Variants in SURF4 observed in about 807,000 individuals in gnomAD.
The protein encoded by SURF4 is surfeit 4.
A neutral mutation model predicts 30.0 loss-of-function variants in SURF4; 3 were observed. The ratio of observed to expected loss-of-function variants is 0.10; its 90% CI spans 0.05 to 0.26. The LOEUF (loss-of-function observed/expected upper bound fraction) is 0.26, where lower values mean the gene tolerates loss of function less well. Among genes scored for constraint, SURF4 ranks in the 10% least tolerant of loss-of-function variants. The pLI is 1.00. For missense variants in SURF4, 217 were observed against 350.8 expected, an observed-to-expected ratio of 0.62 and a Z score of 3.05; for synonymous variants, 143 against 139.9, an observed-to-expected ratio of 1.02 and a Z score of -0.16.
At chr9:133,368,888 C>A (rs953726680) in intron 1 of SURF4, among the ~76,000 whole-genome samples, 6 of 152,230 alleles carry the variant, frequency 3.9e-5, no homozygotes, top group African/African-American at 9.6e-5. Flanking sequence ...GTCTAAAGAG[C>A]ACCCGAGAGG....
chr9:133,377,668 AG>A (rs1458119311), upstream of SURF4, among the ~76,000 whole-genome samples: 5 of 150,794 alleles, frequency 3.3e-5, no homozygotes, highest in Non-Finnish European at 4.4e-5. Flanking sequence ...TGTCTCAGAA[AG>A]AAAAAAAAAA....
rs981161796 is a variant in SURF4, at chr9:133,363,016, A to C, written c.*477T>G. 7.7e-6 allele frequency: 2 copies of C among 261,386 alleles called. No individual in the cohort carries two copies. Among genetic ancestry groups the C allele is most frequent in the Non-Finnish European group, 1.5e-5 (2 of 133,276 alleles). The allele number at this position is 261,386 out of a possible 1,614,324, so 16.2% of individuals were successfully genotyped here. The stretch of plus-strand genomic sequence containing the variant: ...ACATCAAAGCCACTGGTGTGATTTT[A>C]AACCAGGGAGATTAACTGTTTTGAG... On this transcript the variant is annotated 3_prime_UTR_variant, in exon 6 of 6. Coordinates refer to ENST00000371989, the MANE Select transcript of SURF4 (RefSeq NM_033161.4). The surrounding 1 kb of genome is among the most constrained non-coding windows in gnomAD (Gnocchi z 4.3).
chr9:133,372,986 GATC>G (rs1219303042), intron 1 of SURF4, among the ~76,000 whole-genome samples: 1 of 152,210 alleles, frequency 6.6e-6, no homozygotes, highest in African/African-American at 2.4e-5. Flanking sequence ...CTCTTAAGGA[GATC>G]ATCTGACGGC....
chr9:133,376,321 G>A, upstream of SURF4: 4 of 1,362,734 alleles, frequency 2.9e-6, no homozygotes, highest in Non-Finnish European at 3.8e-6. Context: ...CTTTTAAGGG[G>A]GCGGGGACCT....
rs2130084305 is a variant in SURF4 at position 133,363,338 on chromosome 9, G to A, written c.*155C>T. 1.6e-6 allele frequency: 2 copies of A among 1,216,046 alleles called. No individual in the cohort carries two copies. The allele number at this position is 1,216,046 out of a possible 1,614,324, so 75.3% of individuals were successfully genotyped here. ...AGCAGACTGAGCCATCGATTCTCAG[G>A]TGTCTCTGCAAATAAAGTTCTCAAA... On this transcript the variant is annotated 3_prime_UTR_variant, in exon 6 of 6. Coordinates refer to ENST00000371989, the MANE Select transcript of SURF4 (RefSeq NM_033161.4). This position sits in a 1 kb window ranked among gnomAD's most constrained non-coding sequence, Gnocchi z 4.3.
At chr9:133,367,588 G>A in intron 1 of SURF4, 143 bp from the exon 2 acceptor site, 1 of 1,522,536 alleles carries the variant, frequency 6.6e-7, no homozygotes, top group Non-Finnish European at 8.8e-7. Flanking sequence ...CCTTCCCAGG[G>A]CAGACTAGGG....
chr9:133,365,231 TC>T (rs2119126695), intron 4 of SURF4, among the ~76,000 whole-genome samples: 1 of 152,152 alleles, frequency 6.6e-6, no homozygotes, highest in South Asian at 2.1e-4. Context: ...CTTACATAGC[TC>T]AGGAGACAGA....
chr9:133,375,060 G>A (rs1837795972), intron 1 of SURF4, among the ~76,000 whole-genome samples: 1 of 152,202 alleles, frequency 6.6e-6, no homozygotes, highest in Non-Finnish European at 1.5e-5. Context: ...ATAAATCTGC[G>A]TAACCACCAC....
chr9:133,367,136 A>C (rs1837220733), intron 2 of SURF4, 123 bp downstream of exon 2: 5 of 1,275,034 alleles, frequency 3.9e-6, no homozygotes, highest in Middle Eastern at 2.7e-4. Flanking sequence ...TGAGCTGGAG[A>C]AGAGGGGAAT....
chr9:133,367,147 G>T, intron 2 of SURF4, 112 bp downstream of exon 2: 1 of 1,354,728 alleles, frequency 7.4e-7, no homozygotes, highest in Non-Finnish European at 1.0e-6. Context: ...AGAGGGGAAT[G>T]GAGGGGGGAC....
intron 1 of SURF4, chr9:133,375,172 T>A: frequency 1.0e-6 from 1 of 970,190 alleles, no homozygotes; most frequent in Non-Finnish European, 1.2e-6. Flanking sequence ...TCCACCCAGT[T>A]CCCGAATGCT....
At chr9:133,364,290 G>C (rs2130100756) in intron 5 of SURF4, among the ~76,000 whole-genome samples, 8 of 152,212 alleles carry the variant, frequency 5.3e-5, no homozygotes, top group Non-Finnish European at 1.0e-4. Flanking sequence ...GGCCAACCAA[G>C]GGCCAAGCAC....
chr9:133,369,569 G>A (rs1327078886), intron 1 of SURF4, among the ~76,000 whole-genome samples: 1 of 152,166 alleles, frequency 6.6e-6, no homozygotes, highest in African/African-American at 2.4e-5. Context: ...GGCCAATGCA[G>A]AGAACCAGCA....
rs1477598697 is a variant in SURF4, at chr9:133,362,141, A to G, written c.*1352T>C. The G allele has an allele frequency of 6.6e-6, 1 of 152,170 alleles. No individual in the cohort carries two copies. The highest frequency in any genetic ancestry group is 1.5e-5 in the Non-Finnish European group (1 of 68,064). The allele number at this position is 152,170 out of a possible 1,614,324, so 9.4% of individuals were successfully genotyped here. On this transcript the variant is annotated 3_prime_UTR_variant, in exon 6 of 6. Coordinates refer to ENST00000371989, the MANE Select transcript of SURF4 (RefSeq NM_033161.4). ...GCCTCACCCCTGCCCTGCAGAGCCA[A>G]TGGATGAGAGGCCAAGAGGGAGGCA...
chr9:133,363,508 C>G lies in SURF4; in HGVS notation c.795G>C (p.Lys265Asn), dbSNP rs1021189681. ...LGPGGVSMDE[K>N]KKEW is the part of the protein sequence containing the mutation. ...TCTGTGACTGTTACCACTCCTTCTT[C>G]TTCTCATCCATGGAGACACCCCCAG... Residue 265 changes from lysine to asparagine, a missense_variant, in exon 6 of 6, where the codon AAG becomes AAC. By Grantham distance (94) the Lys-to-Asn change is moderately conservative. Coordinates refer to ENST00000371989, the MANE Select transcript of SURF4 (RefSeq NM_033161.4). The surrounding 1 kb of genome is among the most constrained non-coding windows in gnomAD (Gnocchi z 4.3). The G allele has an allele frequency of 6.2e-7, 1 of 1,614,112 alleles. No individual in the cohort carries two copies. The highest frequency in any genetic ancestry group is 8.5e-7 in the Non-Finnish European group (1 of 1,180,050).
chr9:133,371,919 G>T (rs1837531963), intron 1 of SURF4, among the ~76,000 whole-genome samples: 1 of 152,226 alleles, frequency 6.6e-6, no homozygotes, highest in African/African-American at 2.4e-5. Flanking sequence ...AGGTCACACT[G>T]GAGAGGAAGG....
chr9:133,375,664 G>A (rs2130239179), intron 1 of SURF4, among the ~76,000 whole-genome samples: 1 of 152,120 alleles, frequency 6.6e-6, no homozygotes, highest in African/African-American at 2.4e-5. Context: ...GCTGGCTGGA[G>A]GGTGGGGGCG....
intron 1 of SURF4, among the ~76,000 whole-genome samples, chr9:133,374,321 G>A (rs1299379597): frequency 6.6e-6 from 1 of 152,022 alleles, no homozygotes; most frequent in African/African-American, 2.4e-5. Context: ...GGGAGGCTGA[G>A]GTGGGCAGAC....
intron 5 of SURF4, 123 bp downstream of exon 5, chr9:133,364,717 C>T: frequency 3.3e-6 from 3 of 910,446 alleles, no homozygotes; most frequent in Non-Finnish European, 3.2e-6. Flanking sequence ...AAGTTTGCTC[C>T]ATTTCAGCAG....
Sources: gnomAD v4.1 joint callset for allele counts (sites outside exome capture counted in the v4.1 genomes callset) on GRCh38, gnomAD v4.1.1 for gene constraint, Gnocchi (gnomAD v3.1) non-coding constraint, MANE v1.5 for transcripts, NCBI Gene and HGNC (gene_info 2026-07-23, HGNC 2026-07-21) for gene names.